Variants in HS3ST4 observed in about 807,000 individuals in gnomAD.
HS3ST4 encodes heparan sulfate-glucosamine 3-sulfotransferase 4.
In HS3ST4, 17 loss-of-function variants were observed where a neutral mutation model predicts 29.2. The ratio of observed to expected loss-of-function variants is 0.58; its 90% CI spans 0.40 to 0.87. HS3ST4 has a LOEUF of 0.87. Ranked by LOEUF, HS3ST4 falls within the 40% of genes least tolerant of loss-of-function variation. The pLI, the probability that HS3ST4 is intolerant of heterozygous loss-of-function variation, is 0.00. For missense variants in HS3ST4, 627 were observed against 634.5 expected (o/e 0.99, Z 0.13); for synonymous variants, 314 against 285.7 (o/e 1.10, Z -1.00).
chr16:25,963,944 G>A (rs756264096), intron 1 of HS3ST4, among the ~76,000 whole-genome samples: 1 of 152,176 alleles, frequency 6.6e-6, no homozygotes, highest in African/African-American at 2.4e-5. Flanking sequence ...GCCGAGGTGG[G>A]CAGATCACCT....
intron 1 of HS3ST4, among the ~76,000 whole-genome samples, chr16:26,054,746 A>ATAGTGGAACTC: frequency 6.6e-6 from 1 of 152,196 alleles, no homozygotes. Context: ...GGGTTCCACC[A>ATAGTGGAACTC]ACTCATAGTC....
At chr16:25,999,826 T>A (rs1287546324) in intron 1 of HS3ST4, among the ~76,000 whole-genome samples, 6 of 111,492 alleles carry the variant, frequency 5.4e-5, no homozygotes, top group South Asian at 2.8e-4. Flanking sequence ...ATATATATAT[T>A]TATATATTAT....
At chr16:25,810,850 ATTTAT>A (rs992562565) in intron 1 of HS3ST4, among the ~76,000 whole-genome samples, 5 of 152,128 alleles carry the variant, frequency 3.3e-5, no homozygotes, top group African/African-American at 1.2e-4. Flanking sequence ...TTATTTCCTC[ATTTAT>A]GTTTTGTAGC....
At chr16:26,094,289 A>G (rs1194206235) in intron 1 of HS3ST4, among the ~76,000 whole-genome samples, 2 of 152,222 alleles carry the variant, frequency 1.3e-5, no homozygotes, top group Non-Finnish European at 2.9e-5. Flanking sequence ...CCTCGAGAAG[A>G]GCAACCCCAA....
chr16:25,873,742 A>T (rs1202954312), intron 1 of HS3ST4, among the ~76,000 whole-genome samples: 1 of 151,882 alleles, frequency 6.6e-6, no homozygotes, highest in Non-Finnish European at 1.5e-5. Flanking sequence ...CTAGCAAGCC[A>T]TCCAGTCATC....
At chr16:25,813,378 A>G (rs763142225) in intron 1 of HS3ST4, among the ~76,000 whole-genome samples, 1 of 152,124 alleles carries the variant, frequency 6.6e-6, no homozygotes, top group Non-Finnish European at 1.5e-5. Context: ...TAATCCCAGC[A>G]CTTTGGGAGG....
intron 1 of HS3ST4, among the ~76,000 whole-genome samples, chr16:25,749,120 A>G (rs80333456): frequency 0.033 from 5,032 of 152,280 alleles, 209 homozygotes; most frequent in East Asian, 0.16. Context: ...AGCAATAAAC[A>G]TTTCTTAAGT....
intron 1 of HS3ST4, among the ~76,000 whole-genome samples, chr16:26,077,000 A>T (rs988820330): frequency 1.3e-5 from 2 of 152,212 alleles, no homozygotes; most frequent in African/African-American, 4.8e-5. Context: ...AAACTTTGTG[A>T]TTCAGAACAA....
chr16:25,960,279 C>T (rs1459722229), intron 1 of HS3ST4, among the ~76,000 whole-genome samples: 3 of 152,192 alleles, frequency 2.0e-5, no homozygotes, highest in Non-Finnish European at 4.4e-5. Flanking sequence ...GGGTACCATG[C>T]TTGTACAGTC....
At chr16:26,120,665 A>T (rs768418806) in intron 1 of HS3ST4, among the ~76,000 whole-genome samples, 7 of 152,174 alleles carry the variant, frequency 4.6e-5, no homozygotes, top group African/African-American at 1.7e-4. Flanking sequence ...TTCCATGTTG[A>T]CTGACGTGTT....
At chr16:25,855,062 G>A (rs561910769) in intron 1 of HS3ST4, among the ~76,000 whole-genome samples, 1 of 152,282 alleles carries the variant, frequency 6.6e-6, no homozygotes, top group East Asian at 1.9e-4. Flanking sequence ...TGGGAAGGTG[G>A]GATCTCTCAA....
At chr16:25,862,854 CTT>C (rs1967652830) in intron 1 of HS3ST4, among the ~76,000 whole-genome samples, 1 of 152,238 alleles carries the variant, frequency 6.6e-6, no homozygotes, top group Non-Finnish European at 1.5e-5. Context: ...TAATGCTACT[CTT>C]TGCTTTACAA....
chr16:25,982,154 T>C (rs1969012856), intron 1 of HS3ST4, among the ~76,000 whole-genome samples: 1 of 152,188 alleles, frequency 6.6e-6, no homozygotes, highest in Non-Finnish European at 1.5e-5. Flanking sequence ...ATAGAGAGCA[T>C]CCAGCTTGGC....
intron 1 of HS3ST4, among the ~76,000 whole-genome samples, chr16:25,790,166 G>A (rs66533783): frequency 0.057 from 4,035 of 71,148 alleles, 91 homozygotes; most frequent in Non-Finnish European, 0.07. Context: ...CCAGCACTTT[G>A]GGATGCCAAG....
chr16:25,801,814 C>G (rs547996467), intron 1 of HS3ST4, among the ~76,000 whole-genome samples: 17 of 151,882 alleles, frequency 1.1e-4, no homozygotes, highest in Non-Finnish European at 2.5e-4. Flanking sequence ...TTTTTACAAC[C>G]TATCATATAA....
At chr16:25,703,583 G>A (rs1276245656) in intron 1 of HS3ST4, among the ~76,000 whole-genome samples, 1 of 152,218 alleles carries the variant, frequency 6.6e-6, no homozygotes, top group African/African-American at 2.4e-5. Flanking sequence ...ACTGGAAGTG[G>A]TGTCTTCCAG....
rs553541095 is a variant in HS3ST4, at chr16:25,998,212, T to A, written c.735-137400T>A. ...GGGAGGATCACTTGAGCCTGGGAAGTGAAGGATACAGTGAGCTGAGGTTGC... is the reference window on the plus strand; with the variant it reads ...GGGAGGATCACTTGAGCCTGGGAAGAGAAGGATACAGTGAGCTGAGGTTGC... On this transcript the variant is annotated intron_variant, in intron 1 of 1. Coordinates refer to ENST00000331351, the MANE Select transcript of HS3ST4 (RefSeq NM_006040.3). Among the ~76,000 whole-genome samples, 334 of 152,180 alleles carry A rather than the reference T, an allele frequency of 2.2e-3. 1 individual carries two copies. Among genetic ancestry groups the A allele is most frequent in the Non-Finnish European group, 3.4e-3 (233 of 67,990 alleles).
chr16:25,904,181 TGGAC>T (rs1331404277), intron 1 of HS3ST4, among the ~76,000 whole-genome samples: 12 of 143,074 alleles, frequency 8.4e-5, no homozygotes, highest in Non-Finnish European at 1.3e-4. Flanking sequence ...GATGGATGGA[TGGAC>T]GGATGGACAG....
rs1966266668 is a variant in HS3ST4 at position 25,692,905 on chromosome 16, A to T, written c.488A>T (p.Glu163Val). Residue 163 changes from glutamate (E) to valine (V), a missense_variant, in exon 1 of 2, where the codon GAG becomes GTG. Glu to Val is a moderately radical substitution (Grantham distance 121). Coordinates refer to ENST00000331351, the MANE Select transcript of HS3ST4 (RefSeq NM_006040.3). ...GCGCTGCCGGAGAGGGAAGCGCAGG[A>T]GTCCAGCACCACCGACGAGGATCTC... ...QSALPEREAQESSTTDEDLAG... is the reference protein window; with the variant it reads ...QSALPEREAQVSSTTDEDLAG... 6.3e-7 allele frequency: 1 copy of T among 1,590,660 alleles called. No individual in the cohort carries two copies. The highest frequency in any genetic ancestry group is 2.3e-5 in the East Asian group (1 of 43,524).
Sources: gnomAD v4.1 joint callset for allele counts (sites outside exome capture counted in the v4.1 genomes callset) on GRCh38, gnomAD v4.1.1 for gene constraint, MANE v1.5 for transcripts, NCBI Gene and HGNC (gene_info 2026-07-23, HGNC 2026-07-21) for gene names.